USH2A: variants seen among roughly 807,000 people sequenced by gnomAD.
The protein encoded by USH2A is Usher syndrome 2A (autosomal recessive, mild).
A neutral mutation model predicts 538.9 loss-of-function variants in USH2A; 443 were observed. That is an observed-to-expected ratio of 0.82 (90% CI 0.76 to 0.89). USH2A has a LOEUF of 0.89. USH2A is among the 40% of genes least tolerant of loss of function. The pLI is 0.00. For missense variants in USH2A, 6,633 were observed against 6,324.8 expected (o/e 1.05, Z -1.65); for synonymous variants, 2,413 against 2,273.5 (o/e 1.06, Z -1.75).
intron 27 of USH2A, among the ~76,000 whole-genome samples, chr1:216,076,396 T>A (rs1443228610): frequency 1.3e-5 from 2 of 152,174 alleles, no homozygotes; most frequent in African/African-American, 4.8e-5. Context: ...ATGGTGATGT[T>A]TTAAACTTCT....
intron 35 of USH2A, among the ~76,000 whole-genome samples, chr1:215,989,561 C>T (rs912299292): frequency 3.3e-5 from 5 of 152,048 alleles, no homozygotes; most frequent in Non-Finnish European, 1.5e-5. Context: ...TGAACAAATG[C>T]AAATTTTTTG....
intron 14 of USH2A, among the ~76,000 whole-genome samples, chr1:216,227,811 GA>G (rs2035591125): frequency 6.6e-6 from 1 of 152,136 alleles, no homozygotes; most frequent in Non-Finnish European, 1.5e-5. Context: ...AAGGGGGAAA[GA>G]AAGTAAATTG....
intron 32 of USH2A, among the ~76,000 whole-genome samples, chr1:216,025,539 G>A (rs934621056): frequency 5.9e-5 from 9 of 151,856 alleles, no homozygotes; most frequent in African/African-American, 2.2e-4. Flanking sequence ...GGAATACAAC[G>A]GTCATTAAAA....
chr1:215,756,706 A>G lies in USH2A; in HGVS notation c.11389+1889T>C, dbSNP rs542744445. On this transcript the variant is annotated intron_variant, in intron 58 of 71. Coordinates refer to ENST00000307340, the MANE Select transcript of USH2A (RefSeq NM_206933.4). ...TTTGGGAGGCCAAGGTGGGCGGATCATGAAGTCAGGAGTTCGAGACGAGCC... is the reference window on the plus strand; with the variant it reads ...TTTGGGAGGCCAAGGTGGGCGGATCGTGAAGTCAGGAGTTCGAGACGAGCC... Among the ~76,000 whole-genome samples the G allele has an allele frequency of 1.5e-4, 23 of 152,254 alleles. No individual in the cohort carries two copies. In the South Asian group the frequency reaches 4.4e-3, roughly 29 times the overall value.
intron 40 of USH2A, among the ~76,000 whole-genome samples, chr1:215,890,361 A>G (rs1276409565): frequency 6.6e-6 from 1 of 152,204 alleles, no homozygotes; most frequent in Non-Finnish European, 1.5e-5. Context: ...AAATGCAACC[A>G]CTGCTTTGCA....
intron 55 of USH2A, among the ~76,000 whole-genome samples, chr1:215,772,990 C>T (rs770124773): frequency 6.6e-6 from 1 of 152,220 alleles, no homozygotes; most frequent in Non-Finnish European, 1.5e-5. Flanking sequence ...GATGTGTGGT[C>T]TGGCCCCTCG....
intron 14 of USH2A, among the ~76,000 whole-genome samples, chr1:216,224,279 T>G (rs980246217): frequency 6.6e-6 from 1 of 152,156 alleles, no homozygotes; most frequent in Non-Finnish European, 1.5e-5. Context: ...TGCCAGTAAG[T>G]GCAGGGTGTC....
intron 49 of USH2A, among the ~76,000 whole-genome samples, chr1:215,805,740 A>T (rs1035170022): frequency 6.6e-6 from 1 of 151,822 alleles, no homozygotes; most frequent in Non-Finnish European, 1.5e-5. Flanking sequence ...AGAAGATAAG[A>T]CAGTAGATTG....
intron 32 of USH2A, 37 bp downstream of exon 32, chr1:216,046,394 G>A (rs2030521409): frequency 6.2e-7 from 1 of 1,610,880 alleles, no homozygotes; most frequent in South Asian, 1.1e-5. Context: ...TTTGAATATA[G>A]ACTATAACAA....
At chr1:216,120,267 G>A (rs2033103098) in intron 21 of USH2A, among the ~76,000 whole-genome samples, 1 of 145,588 alleles carries the variant, frequency 6.9e-6, no homozygotes, top group African/African-American at 2.5e-5. Flanking sequence ...GGGCACTGTG[G>A]CTCACGCCTG....
At chr1:216,166,971 C>A (rs2034182279) in intron 21 of USH2A, among the ~76,000 whole-genome samples, 1 of 152,056 alleles carries the variant, frequency 6.6e-6, no homozygotes, top group African/African-American at 2.4e-5. Flanking sequence ...TTCTTCCTCT[C>A]TCCTTCTGTC....
At chr1:215,779,507 T>C (rs960752227) in intron 55 of USH2A, among the ~76,000 whole-genome samples, 4 of 152,226 alleles carry the variant, frequency 2.6e-5, no homozygotes, top group African/African-American at 9.6e-5. Flanking sequence ...TTCTTGGCTA[T>C]CTTAGTCCCA....
chr1:216,400,198 C>T (rs1405043912), intron 3 of USH2A, among the ~76,000 whole-genome samples: 1 of 133,932 alleles, frequency 7.5e-6, no homozygotes, highest in Non-Finnish European at 1.6e-5. Context: ...GAGAGAAACC[C>T]CAGCATAGAA....
At chr1:215,918,337 C>A (rs1251339071) in intron 38 of USH2A, among the ~76,000 whole-genome samples, 1 of 151,992 alleles carries the variant, frequency 6.6e-6, no homozygotes, top group Non-Finnish European at 1.5e-5. Flanking sequence ...GGAGATGGAG[C>A]CTTGGGAGGT....
chr1:215,867,001 A>G lies in USH2A; in HGVS notation c.8845+6T>C, dbSNP rs1418358251. Reference sequence around the variant, plus strand: ...GTGTTAACACAGGTATGAGAAGCTTACTTACTTGGTTTAGCCCACCTCACG... The same window carrying G: ...GTGTTAACACAGGTATGAGAAGCTTGCTTACTTGGTTTAGCCCACCTCACG... On this transcript the variant is annotated splice_donor_region_variant and intron_variant, in intron 44 of 71. Coordinates refer to ENST00000307340, the MANE Select transcript of USH2A (RefSeq NM_206933.4). 2.5e-6 allele frequency: 4 copies of G among 1,613,540 alleles called. No homozygotes were observed. The highest frequency in any genetic ancestry group is 2.7e-5 in the African/African-American group (2 of 74,652).
At chr1:216,081,970 A>G (rs1343217638) in intron 26 of USH2A, among the ~76,000 whole-genome samples, 2 of 151,888 alleles carry the variant, frequency 1.3e-5, no homozygotes, top group African/African-American at 4.8e-5. Flanking sequence ...GTAACAAAGC[A>G]ATGAATAGAG....
chr1:216,316,491 A>G (rs2037511773), intron 9 of USH2A, among the ~76,000 whole-genome samples: 4 of 152,160 alleles, frequency 2.6e-5, no homozygotes, highest in Non-Finnish European at 2.9e-5. Context: ...TCGCCCATGT[A>G]TAAGGATATA....
chr1:215,776,594 C>G (rs1661475874), intron 55 of USH2A, among the ~76,000 whole-genome samples: 1 of 152,138 alleles, frequency 6.6e-6, no homozygotes, highest in South Asian at 2.1e-4. Context: ...ACGACTAGTG[C>G]TACAGCTTTA....
At chr1:216,320,006 G>T (rs1004358850) in intron 9 of USH2A, among the ~76,000 whole-genome samples, 1 of 152,098 alleles carries the variant, frequency 6.6e-6, no homozygotes, top group Non-Finnish European at 1.5e-5. Context: ...CATCTGAAAA[G>T]CTAAAATGCA....
Sources: gnomAD v4.1 joint callset for allele counts (sites outside exome capture counted in the v4.1 genomes callset) on GRCh38, gnomAD v4.1.1 for gene constraint, MANE v1.5 for transcripts, NCBI Gene and HGNC (gene_info 2026-07-23, HGNC 2026-07-21) for gene names.